PHACTR2: variants seen among roughly 807,000 people sequenced by gnomAD.
PHACTR2 encodes the protein phosphatase and actin regulator 2.
In PHACTR2, 30 loss-of-function variants were observed where a neutral mutation model predicts 76.0. That is an observed-to-expected ratio of 0.39 (90% CI 0.30 to 0.54). PHACTR2 has a LOEUF of 0.54. Among genes scored for constraint, PHACTR2 ranks in the 20% least tolerant of loss-of-function variants. The pLI is 0.61. For synonymous variants in PHACTR2, 292 were observed against 292.5 expected (o/e 1.00, Z 0.02); for missense variants, 696 against 781.1 (o/e 0.89, Z 1.30).
intron 1 of PHACTR2, among the ~76,000 whole-genome samples, chr6:143,590,441 T>C (rs375887219): frequency 7.2e-5 from 11 of 152,014 alleles, no homozygotes; most frequent in African/African-American, 2.7e-4. Context: ...CTTAAGTCTG[T>C]TATTTTAAGA....
In PHACTR2 at chr6:143,739,397, T is replaced by C. The variant is rs1778892654; in HGVS notation, c.215-9588T>C. Among the ~76,000 whole-genome samples, 1 of 152,124 alleles carries C rather than the reference T, an allele frequency of 6.6e-6. No homozygotes were observed. Among genetic ancestry groups the C allele is most frequent in the Admixed American group, 6.5e-5 (1 of 15,278 alleles). On this transcript the variant is annotated intron_variant, in intron 2 of 12. Transcript: ENST00000440869. This position sits in a 1 kb window ranked among gnomAD's most constrained non-coding sequence, Gnocchi z 4.3. The stretch of plus-strand genomic sequence containing the variant: ...ACTTTAAAATCAGTTCTCTAGCCTG[T>C]TCTTTTTGGGACGAGATTAGAGTGT...
At position 143,648,194 on chromosome 6, in the gene PHACTR2, G is replaced by T. The variant is rs1776692701; in HGVS notation, c.13+39872G>T. Among the ~76,000 whole-genome samples, 1 of 152,262 alleles carries T rather than the reference G, an allele frequency of 6.6e-6. No homozygotes were observed. The highest frequency in any genetic ancestry group is 2.1e-4 in the South Asian group (1 of 4,826). On this transcript the variant is annotated intron_variant, in intron 1 of 11. Coordinates refer to the PHACTR2 transcript ENST00000305766. This position sits in a 1 kb window ranked among gnomAD's most constrained non-coding sequence, Gnocchi z 6.7. ...TACAGACAGCATCCTGTTAAGGACCGCAGTGTTTTCTGCAACTTCTTCCAT... is the reference window on the plus strand; with the variant it reads ...TACAGACAGCATCCTGTTAAGGACCTCAGTGTTTTCTGCAACTTCTTCCAT...
chr6:143,712,064 C>T lies in PHACTR2; in HGVS notation c.95C>T (p.Ala32Val), dbSNP rs1187847277. ...ATAGCAAACTCAGATGGCCCCACAGCAGGTTCCCAAACACCTCCCTTCAAA... is the reference window on the plus strand; with the variant it reads ...ATAGCAAACTCAGATGGCCCCACAGTAGGTTCCCAAACACCTCCCTTCAAA... ...ASIANSDGPT[A>V]GSQTPPFKRK... Residue 32 changes from alanine (A) to valine (V), a missense_variant, in exon 2 of 13, where the codon GCA (alanine) becomes GTA (valine). Ala to Val is a moderately conservative substitution (Grantham distance 64, BLOSUM62 0). Around this residue, in one of 2 missense-constraint regions of PHACTR2, gnomAD observed 460 missense variants for 450.9 expected, o/e 1.02. Transcript: ENST00000440869. 2.5e-6 allele frequency: 4 copies of T among 1,598,294 alleles called. No individual in the cohort carries two copies. The highest frequency in any genetic ancestry group is 3.4e-6 in the Non-Finnish European group (4 of 1,174,098).
At chr6:143,741,408 G>A (rs529533839) in intron 2 of PHACTR2, among the ~76,000 whole-genome samples, 8 of 152,286 alleles carry the variant, frequency 5.3e-5, no homozygotes, top group African/African-American at 1.2e-4. Flanking sequence ...CAGGAGAATC[G>A]CTTGAACCCG....
Position 143,592,980 on chromosome 6 carries a change from A to G in PHACTR2, c.217+55773A>G, listed in dbSNP as rs1775709120. Among the ~76,000 whole-genome samples, 1 of 142,208 alleles carries G rather than the reference A, an allele frequency of 7.0e-6. No homozygotes were observed. The highest frequency in any genetic ancestry group is 2.4e-4 in the South Asian group (1 of 4,252). 93.3% of individuals were successfully genotyped at this position (142,208 alleles called of 152,430 possible). On this transcript the variant is annotated intron_variant, in intron 1 of 11. Coordinates refer to the PHACTR2 transcript ENST00000367584. This position sits in a 1 kb window ranked among gnomAD's most constrained non-coding sequence, Gnocchi z 4.0. Reference sequence around the variant, plus strand: ...CGCTTGAGCCTGGGAAGTCGATACTATTGTAAGCTGAGATCATGCCACTGC... The same window carrying G: ...CGCTTGAGCCTGGGAAGTCGATACTGTTGTAAGCTGAGATCATGCCACTGC...
In PHACTR2 at chr6:143,818,868, T is replaced by C. The variant is rs1337312736; in HGVS notation, c.1923-4806T>C. 6.6e-6 allele frequency among the ~76,000 whole-genome samples: 1 copy of C among 152,184 alleles called. No individual in the cohort carries two copies. Among genetic ancestry groups the C allele is most frequent in the Non-Finnish European group, 1.5e-5 (1 of 68,042 alleles). On this transcript the variant is annotated intron_variant, in intron 12 of 12. Transcript: ENST00000440869. This position sits in a 1 kb window ranked among gnomAD's most constrained non-coding sequence, Gnocchi z 4.9. ...TCGGAGGGAACACAGCCAAACCATA[T>C]CAATTTGCCTTTCACATTGTATATA...
In PHACTR2 at chr6:143,757,076, A is replaced by T. The variant is rs1182015348; in HGVS notation, c.454+3164A>T. 1.3e-5 allele frequency among the ~76,000 whole-genome samples: 2 copies of T among 152,136 alleles called. No individual in the cohort carries two copies. Among genetic ancestry groups the T allele is most frequent in the Non-Finnish European group, 2.9e-5 (2 of 68,026 alleles). On this transcript the variant is annotated intron_variant, in intron 4 of 12. Coordinates refer to ENST00000440869, the MANE Select transcript of PHACTR2 (RefSeq NM_001100164.2). This position sits in a 1 kb window ranked among gnomAD's most constrained non-coding sequence, Gnocchi z 4.2. Reference sequence around the variant, plus strand: ...AATAATAATAATTTTAAATAATAAGATTTTATAAGAATTCTAAGAAATCTT... The same window carrying T: ...AATAATAATAATTTTAAATAATAAGTTTTTATAAGAATTCTAAGAAATCTT...
At chr6:143,786,320 C>A (rs1204510761) in intron 10 of PHACTR2, among the ~76,000 whole-genome samples, 1 of 152,242 alleles carries the variant, frequency 6.6e-6, no homozygotes, top group Non-Finnish European at 1.5e-5. Flanking sequence ...CAGTTCCCAA[C>A]AAGTTCCTTA....
At chr6:143,693,959 C>G (rs947591155) in intron 1 of PHACTR2, among the ~76,000 whole-genome samples, 1 of 152,058 alleles carries the variant, frequency 6.6e-6, no homozygotes, top group African/African-American at 2.4e-5. Context: ...GTCCCAGATA[C>G]CCAAGAGTCC....
At chr6:143,693,435 G>T (rs920850523) in intron 1 of PHACTR2, among the ~76,000 whole-genome samples, 33 of 151,940 alleles carry the variant, frequency 2.2e-4, no homozygotes, top group African/African-American at 8.0e-4. Context: ...ACGGGGTTTC[G>T]CCCTGTTGGC....
intron 9 of PHACTR2, among the ~76,000 whole-genome samples, chr6:143,779,884 T>C (rs1391859623): frequency 6.9e-6 from 1 of 144,446 alleles, no homozygotes; most frequent in Admixed American, 7.1e-5. Context: ...TAAAAAGACA[T>C]ATTACATATA....
At chr6:143,650,021 T>G (rs538670766) in intron 1 of PHACTR2, among the ~76,000 whole-genome samples, 41 of 152,278 alleles carry the variant, frequency 2.7e-4, no homozygotes, top group Admixed American at 1.4e-3. Context: ...TGTACAAAAA[T>G]TATTAGCATT....
At position 143,556,501 on chromosome 6, in the gene PHACTR2, A is replaced by T. The variant is rs1043265952; in HGVS notation, c.217+19294A>T. ...CCAGAAAGTACATTCATAACTCCGT[A>T]TGTCAAACTAGAGAGAGGAAAGTGA... On this transcript the variant is annotated intron_variant, in intron 1 of 11. Transcript: ENST00000367584. The surrounding 1 kb of genome is among the most constrained non-coding windows in gnomAD (Gnocchi z 4.3). Among the ~76,000 whole-genome samples the T allele has an allele frequency of 1.3e-5, 2 of 152,250 alleles. No homozygotes were observed. Among genetic ancestry groups the T allele is most frequent in the African/African-American group, 4.8e-5 (2 of 41,462 alleles).
rs1424406554 is a variant in PHACTR2, at chr6:143,684,885, T to C, written c.46+6676T>C. On this transcript the variant is annotated intron_variant, in intron 1 of 12. Coordinates refer to ENST00000440869, the MANE Select transcript of PHACTR2 (RefSeq NM_001100164.2). This position sits in a 1 kb window ranked among gnomAD's most constrained non-coding sequence, Gnocchi z 4.3. ...TTTTTAGACTCTTTGTAAATCTATA[T>C]GTAAAAAATGGCATCTTATTTTGAT... Among the ~76,000 whole-genome samples, 1 of 152,260 alleles carries C rather than the reference T, an allele frequency of 6.6e-6. No individual in the cohort carries two copies. The highest frequency in any genetic ancestry group is 1.5e-5 in the Non-Finnish European group (1 of 68,040).
intron 2 of PHACTR2, among the ~76,000 whole-genome samples, chr6:143,718,883 T>TG (rs1196430029): frequency 2.0e-4 from 30 of 146,990 alleles, no homozygotes; most frequent in African/African-American, 7.3e-4. Flanking sequence ...GTGTTTTTTT[T>TG]TTTTTTTTTT....
chr6:143,686,360 A>G (rs369583391), intron 1 of PHACTR2, among the ~76,000 whole-genome samples: 2 of 152,240 alleles, frequency 1.3e-5, no homozygotes, highest in East Asian at 1.9e-4. Context: ...TTAAAAGGCA[A>G]TTTTTATGAT....
Position 143,765,461 on chromosome 6 carries a change from A to G in PHACTR2, c.895A>G (p.Thr299Ala). The change falls in exon 6 of 13, where the codon ACA (threonine) becomes GCA (alanine). Residue 299 changes from threonine (T) to alanine (A), a missense_variant. Physicochemically the swap from Thr to Ala is moderately conservative, Grantham distance 58 (BLOSUM62 0). Coordinates refer to ENST00000440869, the MANE Select transcript of PHACTR2 (RefSeq NM_001100164.2). The surrounding 1 kb of genome is among the most constrained non-coding windows in gnomAD (Gnocchi z 4.1). ...HLSSDTTTSG[T>A]SDLKGEPAET... ...GTCCTCAGACACAACAACTTCTGGCACATCCGACCTGAAAGGAGAGCCTGC... is the reference window on the plus strand; with the variant it reads ...GTCCTCAGACACAACAACTTCTGGCGCATCCGACCTGAAAGGAGAGCCTGC... 1 of 1,614,226 alleles carries G rather than the reference A, an allele frequency of 6.2e-7. No individual in the cohort carries two copies. The highest frequency in any genetic ancestry group is 1.1e-5 in the South Asian group (1 of 91,082).
In PHACTR2 at chr6:143,791,004, G is replaced by A. The variant is rs1422676943; in HGVS notation, c.1845+2094G>A. Among the ~76,000 whole-genome samples, 3 of 152,124 alleles carry A rather than the reference G, an allele frequency of 2.0e-5. No homozygotes were observed. The highest frequency in any genetic ancestry group is 2.9e-5 in the Non-Finnish European group (2 of 68,024). ...CAAGATTCTTAAACTTAATACAGTC[G>A]AATTTATCAACCTTTTTCTTTATGG... On this transcript the variant is annotated intron_variant, in intron 11 of 12. Coordinates refer to ENST00000440869, the MANE Select transcript of PHACTR2 (RefSeq NM_001100164.2). This position sits in a 1 kb window ranked among gnomAD's most constrained non-coding sequence, Gnocchi z 4.7.
chr6:143,711,089 G>C (rs779178590), intron 1 of PHACTR2: 6 of 514,266 alleles, frequency 1.2e-5, no homozygotes, highest in Middle Eastern at 3.2e-4. Flanking sequence ...CATTTGATGA[G>C]TTTTGGGTAA....
Sources: gnomAD v4.1 joint callset for allele counts (sites outside exome capture counted in the v4.1 genomes callset) on GRCh38, gnomAD v4.1.1 for gene constraint, gnomAD v4.1.1 regional missense constraint, Gnocchi (gnomAD v3.1) non-coding constraint, MANE v1.5 for transcripts, NCBI Gene and HGNC (gene_info 2026-07-23, HGNC 2026-07-21) for gene names.